MFSD8: variants seen among roughly 807,000 people sequenced by gnomAD.
The protein encoded by MFSD8 is major facilitator superfamily domain containing 8.
Under a neutral mutation model 66.4 loss-of-function variants are expected in MFSD8, and 55 were observed. The ratio of observed to expected loss-of-function variants is 0.83; its 90% confidence interval spans 0.67 to 1.04. The LOEUF (loss-of-function observed/expected upper bound fraction) is 1.04, where lower values mean the gene tolerates loss of function less well. Ranked by LOEUF, MFSD8 falls within the 50% of genes least tolerant of loss-of-function variation. The probability of loss-of-function intolerance (pLI) is 0.00; values close to 1 mark genes in which losing one functional copy is unlikely to be tolerated. For missense variants in MFSD8, 550 were observed against 627.6 expected (o/e 0.88, Z 1.32); for synonymous variants, 202 against 212.8 (o/e 0.95, Z 0.44).
intron 1 of MFSD8, among the ~76,000 whole-genome samples, chr4:127,962,966 G>A (rs1413404400): frequency 6.6e-6 from 1 of 152,138 alleles, no homozygotes; most frequent in Non-Finnish European, 1.5e-5. Context: ...ATAGACAGCT[G>A]AAGTTTAACT....
chr4:127,925,077 A>G (rs950983646), intron 9 of MFSD8, among the ~76,000 whole-genome samples: 1 of 152,212 alleles, frequency 6.6e-6, no homozygotes, highest in African/African-American at 2.4e-5. Flanking sequence ...TTTATACCTT[A>G]TACAAAAATT....
At chr4:127,929,880 A>G (rs1340630589) in intron 9 of MFSD8, among the ~76,000 whole-genome samples, 1 of 152,212 alleles carries the variant, frequency 6.6e-6, no homozygotes, top group Non-Finnish European at 1.5e-5. Context: ...TTTGATCTTT[A>G]TACATTATAC....
chr4:127,955,168 A>T (rs1215676592), intron 2 of MFSD8, among the ~76,000 whole-genome samples: 1 of 152,208 alleles, frequency 6.6e-6, no homozygotes, highest in Non-Finnish European at 1.5e-5. Context: ...TCTTGAAGAG[A>T]TATTTGCACA....
At chr4:127,932,589 T>A (rs1467131161) in intron 8 of MFSD8, 1 of 154,526 alleles carries the variant, frequency 6.5e-6, no homozygotes, top group Admixed American at 6.5e-5. Context: ...ATACTAGGTT[T>A]TTCTTCAAGG....
At chr4:127,944,410 A>T (rs542356607) in intron 3 of MFSD8, among the ~76,000 whole-genome samples, 19 of 152,242 alleles carry the variant, frequency 1.2e-4, no homozygotes, top group South Asian at 2.1e-4. Context: ...CATTTTTTTT[A>T]AAAAAACTAG....
chr4:127,940,663 T>C (rs1037543741), intron 5 of MFSD8, among the ~76,000 whole-genome samples: 3 of 151,586 alleles, frequency 2.0e-5, no homozygotes, highest in Non-Finnish European at 2.9e-5. Flanking sequence ...TTTTTTTTAG[T>C]GATTTTAAAC....
intron 8 of MFSD8, among the ~76,000 whole-genome samples, chr4:127,931,764 A>T (rs1004557842): frequency 3.3e-5 from 5 of 152,214 alleles, no homozygotes; most frequent in Admixed American, 2.0e-4. Context: ...TCATGGTTGT[A>T]CAACATTGTG....
At chr4:127,949,885 A>C in intron 2 of MFSD8, 38 bp from the exon 3 acceptor site, 2 of 1,552,478 alleles carry the variant, frequency 1.3e-6, no homozygotes, top group South Asian at 2.3e-5. Context: ...TACTTATAAT[A>C]ATTTAATCAT....
intron 2 of MFSD8, among the ~76,000 whole-genome samples, chr4:127,956,182 G>A (rs898880525): frequency 6.6e-6 from 1 of 151,600 alleles, no homozygotes; most frequent in African/African-American, 2.4e-5. Context: ...AGAAGTAGCA[G>A]AACAAATAAT....
intron 2 of MFSD8, among the ~76,000 whole-genome samples, chr4:127,952,689 G>A (rs921878040): frequency 2.0e-5 from 3 of 151,990 alleles, no homozygotes; most frequent in African/African-American, 7.2e-5. Context: ...TGGCAACATG[G>A]TGAAACCCCG....
intron 1 of MFSD8, among the ~76,000 whole-genome samples, chr4:127,958,197 A>G (rs900111031): frequency 2.0e-5 from 3 of 152,196 alleles, no homozygotes; most frequent in African/African-American, 7.2e-5. Flanking sequence ...GACTTAAGTG[A>G]TCTTTTGGAT....
At chr4:127,942,015 T>C in intron 5 of MFSD8, 30 bp downstream of exon 5, 1 of 1,541,152 alleles carries the variant, frequency 6.5e-7, no homozygotes, top group East Asian at 2.2e-5. Flanking sequence ...CCAATTCAAA[T>C]TCAAGTAATG....
chr4:127,926,791 C>G (rs962119731), intron 9 of MFSD8, among the ~76,000 whole-genome samples: 3 of 152,222 alleles, frequency 2.0e-5, no homozygotes, highest in African/African-American at 7.2e-5. Context: ...CATACAGTCT[C>G]TGACTTATGA....
At position 127,938,831 on chromosome 4, in the gene MFSD8, G is replaced by T. The variant is rs758002981; in HGVS notation, c.706C>A (p.Arg236Ser). 1.2e-6 allele frequency: 2 copies of T among 1,605,632 alleles called. No individual in the cohort carries two copies. The highest frequency in any genetic ancestry group is 4.5e-5 in the East Asian group (2 of 44,488). Residue 236 changes from arginine to serine, a missense_variant, in exon 7 of 12, where the codon CGT (arginine) becomes AGT (serine). By Grantham distance (110) the Arg-to-Ser change is moderately radical. Coordinates refer to ENST00000641686, the MANE Select transcript of MFSD8 (RefSeq NM_001371596.2). ...ILILAILREH[R>S]VDDSGRQCKS... ...CACTGTCTTCCTGAGTCATCCACACGATGTTCTCTTAAAAAGAAAAACACA... is the reference window on the plus strand; with the variant it reads ...CACTGTCTTCCTGAGTCATCCACACTATGTTCTCTTAAAAAGAAAAACACA...
chr4:127,930,894 T>TGTTACGGCGACC, intron 8 of MFSD8, 77 bp from the exon 9 acceptor site: 1 of 1,304,654 alleles, frequency 7.7e-7, no homozygotes, highest in Non-Finnish European at 1.1e-6. Flanking sequence ...TAAGTTTTAA[T>TGTTACGGCGACC]AACGACATCT....
chr4:127,941,218 G>A (rs1432413266), intron 5 of MFSD8, among the ~76,000 whole-genome samples: 2 of 152,164 alleles, frequency 1.3e-5, no homozygotes, highest in Non-Finnish European at 2.9e-5. Context: ...TTGGTGAACA[G>A]TGAATTAGAT....
intron 1 of MFSD8, among the ~76,000 whole-genome samples, chr4:127,963,288 T>C (rs56028089): frequency 0.02 from 3,002 of 152,286 alleles, 92 homozygotes; most frequent in African/African-American, 0.067. Flanking sequence ...CAAGTATCTA[T>C]TAAAACCATC....
At chr4:127,922,625 C>CA (rs764607537) in intron 9 of MFSD8, among the ~76,000 whole-genome samples, 186 of 119,962 alleles carry the variant, frequency 1.6e-3, no homozygotes, top group South Asian at 2.9e-3. Flanking sequence ...ACCCTGTCGC[C>CA]AAAAAAAAAA....
At chr4:127,922,687 G>C (rs1462551973) in intron 9 of MFSD8, among the ~76,000 whole-genome samples, 1 of 152,032 alleles carries the variant, frequency 6.6e-6, no homozygotes, top group Non-Finnish European at 1.5e-5. Context: ...GTACTCTTTG[G>C]TCAGTTTTTG....
Sources: allele counts gnomAD v4.1 joint callset (sites outside exome capture counted in the v4.1 genomes callset), GRCh38; gene constraint gnomAD v4.1.1; transcripts MANE v1.5; gene names NCBI Gene and HGNC (gene_info 2026-07-23, HGNC 2026-07-21).